PRSS38: variants seen among roughly 807,000 people sequenced by gnomAD.
PRSS38 encodes the protein marapsin 2.
In PRSS38, 22 loss-of-function variants were observed where a neutral mutation model predicts 26.8. That is an observed-to-expected ratio of 0.82 (90% CI 0.59 to 1.17). The LOEUF (loss-of-function observed/expected upper bound fraction) is 1.17. Among genes scored for constraint, PRSS38 ranks in the 50% most tolerant of loss-of-function variants. The probability of loss-of-function intolerance (pLI) is 0.00; values close to 1 mark genes in which losing one functional copy is unlikely to be tolerated. For synonymous variants in PRSS38, 175 were observed against 172.1 expected, an observed-to-expected ratio of 1.02 and a Z score of -0.13; for missense variants, 427 against 422.7, an observed-to-expected ratio of 1.01 and a Z score of -0.09.
chr1:227,845,344 G>GT (rs1665410119), intron 3 of PRSS38, 126 bp from the exon 4 acceptor site: 1 of 649,528 alleles, frequency 1.5e-6, no homozygotes, highest in African/African-American at 1.8e-5. Flanking sequence ...TGTCATCAGG[G>GT]CTCCTTCCTA....
At chr1:227,834,843 A>G (rs983922333) in intron 3 of PRSS38, among the ~76,000 whole-genome samples, 2 of 152,228 alleles carry the variant, frequency 1.3e-5, no homozygotes, top group African/African-American at 2.4e-5. Flanking sequence ...AAAAAAATTG[A>G]TAAATTGGGC....
intron 3 of PRSS38, among the ~76,000 whole-genome samples, chr1:227,834,728 G>A (rs1558236208): frequency 6.6e-6 from 1 of 151,864 alleles, no homozygotes; most frequent in Non-Finnish European, 1.5e-5. Context: ...TACTGGGGAG[G>A]CTGTGGTGGG....
At chr1:227,831,856 AAAAG>A (rs1289510509) in intron 3 of PRSS38, among the ~76,000 whole-genome samples, 17 of 152,170 alleles carry the variant, frequency 1.1e-4, no homozygotes, top group Admixed American at 2.6e-4. Context: ...CATCTCAAAA[AAAAG>A]AAAGAAAGAA....
intron 3 of PRSS38, among the ~76,000 whole-genome samples, chr1:227,823,507 A>C (rs1360594908): frequency 6.6e-6 from 1 of 152,100 alleles, no homozygotes. Context: ...ATCTCATGTT[A>C]AAATGTGCTC....
At chr1:227,829,481 A>G (rs1665121146) in intron 3 of PRSS38, among the ~76,000 whole-genome samples, 1 of 152,152 alleles carries the variant, frequency 6.6e-6, no homozygotes, top group Non-Finnish European at 1.5e-5. Context: ...GAGCACTCCC[A>G]AAGAAATTCC....
intron 3 of PRSS38, among the ~76,000 whole-genome samples, chr1:227,838,525 G>C (rs1318537071): frequency 6.6e-6 from 1 of 152,208 alleles, no homozygotes; most frequent in African/African-American, 2.4e-5. Flanking sequence ...GCCTGCTAAG[G>C]TTTCGAATGA....
intron 3 of PRSS38, among the ~76,000 whole-genome samples, chr1:227,833,235 A>C (rs1165355430): frequency 6.6e-6 from 1 of 152,210 alleles, no homozygotes; most frequent in African/African-American, 2.4e-5. Context: ...AATCTTAAAA[A>C]AGAACAACAT....
intron 3 of PRSS38, among the ~76,000 whole-genome samples, chr1:227,817,825 G>A (rs76427582): frequency 1.3e-5 from 2 of 152,130 alleles, no homozygotes; most frequent in Non-Finnish European, 2.9e-5. Flanking sequence ...CTCCAGAAAG[G>A]CCTGTGCATT....
chr1:227,835,728 C>T (rs58660861), intron 3 of PRSS38, among the ~76,000 whole-genome samples: 1,801 of 152,164 alleles, frequency 0.012, 41 homozygotes, highest in African/African-American at 0.04. Context: ...TTGTGTGATT[C>T]GATGTATAAG....
At position 227,815,853 on chromosome 1, in the gene PRSS38, C is replaced by T. The variant is rs377466317; in HGVS notation, c.137C>T (p.Thr46Ile). 9.7e-5 allele frequency: 156 copies of T among 1,606,926 alleles called. No individual in the cohort carries two copies. The highest frequency in any genetic ancestry group is 1.1e-4 in the Non-Finnish European group (129 of 1,175,188). Residue 46 changes from threonine to isoleucine, a missense_variant, in exon 1 of 5, where the codon ACT becomes ATT. By Grantham distance (89) the Thr-to-Ile change is moderately conservative. Transcript: ENST00000366757. ...CCAGAGAACCAGGGAATCTCCCTAA[C>T]TGGCAGCGTGGGTAGGCCCTGCCCC...
chr1:227,819,260 T>C (rs1664967801), intron 3 of PRSS38, among the ~76,000 whole-genome samples: 1 of 152,222 alleles, frequency 6.6e-6, no homozygotes, highest in Non-Finnish European at 1.5e-5. Context: ...ATTCATTCGT[T>C]AAACTTTTTA....
chr1:227,841,751 A>G (rs1170601679), intron 3 of PRSS38, among the ~76,000 whole-genome samples: 2 of 152,138 alleles, frequency 1.3e-5, no homozygotes, highest in South Asian at 2.1e-4. Flanking sequence ...ACAGCCCTCA[A>G]TCTCCAGCTC....
At chr1:227,845,428 C>G (rs371339863) in intron 3 of PRSS38, 42 bp from the exon 4 acceptor site, 1 of 1,539,304 alleles carries the variant, frequency 6.5e-7, no homozygotes, top group Admixed American at 1.8e-5. Flanking sequence ...CCACCCCACA[C>G]GAAGCAGGTG....
chr1:227,827,640 C>A (rs7413481), intron 3 of PRSS38, among the ~76,000 whole-genome samples: 48,877 of 148,270 alleles, frequency 0.33, 9,526 homozygotes, highest in Middle Eastern at 0.46. Flanking sequence ...TTTAGAAAAC[C>A]AGCTTCTGAA....
chr1:227,844,946 G>T (rs1463388335), intron 3 of PRSS38, among the ~76,000 whole-genome samples: 1 of 109,150 alleles, frequency 9.2e-6, no homozygotes, highest in African/African-American at 2.9e-5. Context: ...ATGTGTGGTG[G>T]GACTCCTCCC....
chr1:227,820,193 G>T (rs1664983687), intron 3 of PRSS38, among the ~76,000 whole-genome samples: 2 of 137,344 alleles, frequency 1.5e-5, no homozygotes, highest in South Asian at 2.3e-4. Context: ...TAGTAGTTTT[G>T]TTTTTTTTTT....
At chr1:227,832,921 G>T (rs1282182336) in intron 3 of PRSS38, among the ~76,000 whole-genome samples, 2 of 152,124 alleles carry the variant, frequency 1.3e-5, no homozygotes, top group Admixed American at 6.6e-5. Context: ...TAAGAAAATT[G>T]TTCCATCTGC....
chr1:227,822,091 C>T (rs1042424060), intron 3 of PRSS38, among the ~76,000 whole-genome samples: 1 of 152,068 alleles, frequency 6.6e-6, no homozygotes, highest in South Asian at 2.1e-4. Flanking sequence ...CCTATGCTCT[C>T]TTGTGCTTGC....
At chr1:227,817,174 C>T (rs1462365649) in intron 2 of PRSS38, 35 bp from the exon 3 acceptor site, 3 of 1,593,802 alleles carry the variant, frequency 1.9e-6, no homozygotes, top group Non-Finnish European at 2.6e-6. Context: ...ACACAGGAAG[C>T]TGCGGGCATT....
Sources: allele counts gnomAD v4.1 joint callset (sites outside exome capture counted in the v4.1 genomes callset), GRCh38; gene constraint gnomAD v4.1.1; transcripts MANE v1.5; gene names NCBI Gene and HGNC (gene_info 2026-07-23, HGNC 2026-07-21).